The following ATRNL1 variants were observed in gnomAD, a reference collection of about 807,000 sequenced individuals.
The protein encoded by ATRNL1 is attractin-like protein 1.
ATRNL1 carries 95 observed loss-of-function variants against 182.7 expected under a neutral mutation model. The observed-to-expected ratio is 0.52, with a 90% confidence interval of 0.44 to 0.62. The LOEUF is 0.62. ATRNL1 is among the 20% of genes least tolerant of loss of function. The pLI is 0.00. For synonymous variants in ATRNL1, 576 were observed against 568.3 expected, an observed-to-expected ratio of 1.01 and a Z score of -0.19; for missense variants, 1,471 against 1,679.5, an observed-to-expected ratio of 0.88 and a Z score of 2.17.
At chr10:115,428,686 T>A (rs1439738760) in intron 21 of ATRNL1, among the ~76,000 whole-genome samples, 3 of 152,096 alleles carry the variant, frequency 2.0e-5, no homozygotes, top group Non-Finnish European at 4.4e-5. Flanking sequence ...TTAGTATTTT[T>A]AATTTAATGA....
At chr10:115,530,572 T>C (rs1851507488) in intron 25 of ATRNL1, among the ~76,000 whole-genome samples, 1 of 152,094 alleles carries the variant, frequency 6.6e-6, no homozygotes, top group Admixed American at 6.5e-5. Context: ...AGCATGCAAG[T>C]GAGCAGAATA....
intron 26 of ATRNL1, among the ~76,000 whole-genome samples, chr10:115,717,548 CTTTTTTT>C (rs61386440): frequency 1.2e-5 from 1 of 84,350 alleles, no homozygotes; most frequent in Non-Finnish European, 2.2e-5. Flanking sequence ...CTGAAATGTT[CTTTTTTT>C]TTTTTTTTTT....
intron 25 of ATRNL1, among the ~76,000 whole-genome samples, chr10:115,544,618 G>A (rs1304964205): frequency 6.6e-6 from 1 of 152,178 alleles, no homozygotes; most frequent in Non-Finnish European, 1.5e-5. Flanking sequence ...TCAGCATCAA[G>A]CCATGAAGGA....
At chr10:115,783,200 A>G (rs1949309259) in intron 27 of ATRNL1, among the ~76,000 whole-genome samples, 1 of 147,830 alleles carries the variant, frequency 6.8e-6, no homozygotes, top group Non-Finnish European at 1.5e-5. Context: ...ACTAGAGGCT[A>G]TGGATTCATA....
rs1844418560 is a variant in ATRNL1, at chr10:115,398,913, A to T, written c.3269+4161A>T. On this transcript the variant is annotated intron_variant, in intron 20 of 28. Transcript: ENST00000355044. ...TAATTTGCTGAGAGTTTTTAACATG[A>T]GTGGATGTTGAATTTTATAGAAACC... 3.3e-5 allele frequency among the ~76,000 whole-genome samples: 5 copies of T among 152,142 alleles called. No individual in the cohort carries two copies. The South Asian group carries it at 1.0e-3, about 32-fold the overall frequency.
chr10:115,195,810 T>A (rs1232973566), intron 8 of ATRNL1, among the ~76,000 whole-genome samples: 1 of 152,090 alleles, frequency 6.6e-6, no homozygotes, highest in African/African-American at 2.4e-5. Context: ...TTTTGATGAA[T>A]TACCACTTAT....
intron 19 of ATRNL1, among the ~76,000 whole-genome samples, chr10:115,370,118 G>T (rs144300309): frequency 6.6e-6 from 1 of 152,226 alleles, no homozygotes; most frequent in African/African-American, 2.4e-5. Flanking sequence ...CACCATGTGA[G>T]ATGTGCCTTT....
At chr10:115,279,933 A>G (rs189020134) in intron 13 of ATRNL1, among the ~76,000 whole-genome samples, 1 of 152,332 alleles carries the variant, frequency 6.6e-6, no homozygotes, top group African/African-American at 2.4e-5. Context: ...CACGACAGAC[A>G]GTTCCTTGCC....
chr10:115,847,958 G>C lies in ATRNL1; in HGVS notation c.3985G>C (p.Gly1329Arg). The C allele has an allele frequency of 6.2e-7, 1 of 1,611,772 alleles. No homozygotes were observed. The highest frequency in any genetic ancestry group is 1.1e-5 in the South Asian group (1 of 90,996). ...VLTVFLCLPR[G>R]SSGAPPPGQS... ...GACTGTGTTTCTTTGTCTACCACGA[G>C]GATCATCAGGTGCCCCTCCCCCTGG... The change falls in exon 28 of 29, where the codon GGA becomes CGA. Residue 1329 changes from glycine to arginine, a missense_variant. This residue lies in a region of ATRNL1 where 437 missense variants were observed against 506.0 expected (regional missense o/e 0.86). Coordinates refer to ENST00000355044, the MANE Select transcript of ATRNL1 (RefSeq NM_207303.4).
Position 115,850,788 on chromosome 10 carries a change from C to T in ATRNL1, c.4018+2797C>T, listed in dbSNP as rs183450373. 3.5e-3 allele frequency among the ~76,000 whole-genome samples: 534 copies of T among 152,288 alleles called. 3 individuals are homozygous for T. Among genetic ancestry groups the T allele is most frequent in the African/African-American group, 0.012 (513 of 41,574 alleles). Reference sequence around the variant, plus strand: ...GCAACAGAGTTCAAATTCATTTACCCTTTCCCAGATTCCTCTCCTAGAAGC... The same window carrying T: ...GCAACAGAGTTCAAATTCATTTACCTTTTCCCAGATTCCTCTCCTAGAAGC... On this transcript the variant is annotated intron_variant, in intron 28 of 28. Coordinates refer to ENST00000355044, the MANE Select transcript of ATRNL1 (RefSeq NM_207303.4).
intron 18 of ATRNL1, among the ~76,000 whole-genome samples, chr10:115,319,577 G>A (rs1346766698): frequency 6.6e-6 from 1 of 152,040 alleles, no homozygotes; most frequent in African/African-American, 2.4e-5. Flanking sequence ...CCTGTATTGG[G>A]TGCATATGTA....
intron 28 of ATRNL1, among the ~76,000 whole-genome samples, chr10:115,926,944 TCAGA>T (rs1412685981): frequency 6.6e-6 from 1 of 151,830 alleles, no homozygotes; most frequent in Non-Finnish European, 1.5e-5. Flanking sequence ...GATACCAAAG[TCAGA>T]CAGAGACACA....
chr10:115,641,697 T>C (rs1229445334), intron 26 of ATRNL1, among the ~76,000 whole-genome samples: 2 of 152,088 alleles, frequency 1.3e-5, no homozygotes, highest in Non-Finnish European at 2.9e-5. Context: ...ATTTAAACCT[T>C]TTATGTTAAA....
intron 26 of ATRNL1, among the ~76,000 whole-genome samples, chr10:115,630,779 G>T: frequency 7.2e-6 from 1 of 138,982 alleles, no homozygotes; most frequent in Non-Finnish European, 1.6e-5. Flanking sequence ...ATATTTAATA[G>T]ATATGTATTG....
intron 10 of ATRNL1, among the ~76,000 whole-genome samples, chr10:115,245,862 A>G (rs543902722): frequency 6.6e-6 from 1 of 152,260 alleles, no homozygotes; most frequent in African/African-American, 2.4e-5. Flanking sequence ...TGGCCATCTG[A>G]AAGAAACAAT....
intron 10 of ATRNL1, among the ~76,000 whole-genome samples, chr10:115,257,301 T>C (rs1237785157): frequency 1.3e-5 from 2 of 152,194 alleles, no homozygotes; most frequent in African/African-American, 4.8e-5. Flanking sequence ...GCTTTATCAG[T>C]CTGGGTGCTC....
chr10:115,837,796 A>G (rs1555095961), intron 27 of ATRNL1, among the ~76,000 whole-genome samples: 1 of 152,162 alleles, frequency 6.6e-6, no homozygotes, highest in African/African-American at 2.4e-5. Flanking sequence ...AGAGAAAGAT[A>G]AGAAAAGATC....
At chr10:115,094,496 C>A (rs1443133051) in intron 1 of ATRNL1, among the ~76,000 whole-genome samples, 1 of 152,182 alleles carries the variant, frequency 6.6e-6, no homozygotes, top group Non-Finnish European at 1.5e-5. Context: ...TCTCTTTCCC[C>A]ATTCTCTTCT....
At chr10:115,382,909 A>G (rs782152858) in intron 19 of ATRNL1, among the ~76,000 whole-genome samples, 2 of 151,878 alleles carry the variant, frequency 1.3e-5, no homozygotes, top group Admixed American at 6.6e-5. Context: ...TCAAGAGTCA[A>G]TTGTCCATAA....
Sources: gnomAD v4.1 joint callset for allele counts (sites outside exome capture counted in the v4.1 genomes callset) on GRCh38, gnomAD v4.1.1 for gene constraint, gnomAD v4.1.1 regional missense constraint, MANE v1.5 for transcripts, NCBI Gene and HGNC (gene_info 2026-07-23, HGNC 2026-07-21) for gene names.